The following EML6 variants were observed in gnomAD, a reference collection of about 807,000 sequenced individuals.
EML6 encodes the protein echinoderm microtubule-associated protein-like 6.
In EML6, 154 loss-of-function variants were observed where a neutral mutation model predicts 240.1. The observed-to-expected ratio is 0.64, with a 90% confidence interval of 0.56 to 0.73. The LOEUF is 0.73. Among genes scored for constraint, EML6 ranks in the 30% least tolerant of loss-of-function variants. EML6 has a pLI of 0.00. For synonymous variants in EML6, 1,148 were observed against 899.0 expected (o/e 1.28, Z -4.95); for missense variants, 2,964 against 2,474.6 (o/e 1.20, Z -4.20).
Position 54,723,936 on chromosome 2 carries a change from T to C in EML6, c.-514+159T>C, listed in dbSNP as rs1452218573. On this transcript the variant is annotated intron_variant, in intron 1 of 41. Transcript: ENST00000356458. ...CCGACCCCCGGGACGTGTGCGTCTG[T>C]GGGGGGTTGCTGTCCCCCGGGTCCC... is the stretch of plus-strand genomic sequence containing the variant. Among the ~76,000 whole-genome samples, 6 of 151,850 alleles carry C rather than the reference T, an allele frequency of 4.0e-5. No individual in the cohort carries two copies. In the East Asian group the frequency reaches 1.2e-3, roughly 30 times the overall value.
At chr2:54,799,322 A>T (rs1383967510) in intron 2 of EML6, among the ~76,000 whole-genome samples, 2 of 151,820 alleles carry the variant, frequency 1.3e-5, no homozygotes, top group Non-Finnish European at 2.9e-5. Context: ...CAGTCTCTCA[A>T]AGTGCTGGGA....
rs764262526 is a variant in EML6 at position 54,813,204 on chromosome 2, A to G, written c.198-28A>G. The G allele has an allele frequency of 2.7e-5, 40 of 1,506,794 alleles. No homozygotes were observed. In the African/African-American group the frequency reaches 4.2e-4, roughly 16 times the overall value. The allele number at this position is 1,506,794 out of a possible 1,614,324, so 93.3% of individuals were successfully genotyped here. ...GATCAGTGTTTTCTTCAGTTGGAAGATGTGAAAAGAAACCTTTTCTCTTTC... is the reference window on the plus strand; with the variant it reads ...GATCAGTGTTTTCTTCAGTTGGAAGGTGTGAAAAGAAACCTTTTCTCTTTC... On this transcript the variant is annotated intron_variant, in intron 2 of 41. Coordinates refer to ENST00000356458, the MANE Select transcript of EML6 (RefSeq NM_001039753.4).
intron 7 of EML6, among the ~76,000 whole-genome samples, chr2:54,835,787 A>G (rs1392560565): frequency 6.6e-6 from 1 of 152,116 alleles, no homozygotes; most frequent in Non-Finnish European, 1.5e-5. Context: ...GCATCTATGG[A>G]TAGAGGCCAG....
chr2:54,825,036 C>T (rs1050621511), intron 5 of EML6, among the ~76,000 whole-genome samples: 1 of 152,084 alleles, frequency 6.6e-6, no homozygotes, highest in Non-Finnish European at 1.5e-5. Flanking sequence ...TTCATGTGGG[C>T]CTTATACCAT....
intron 29 of EML6, 58 bp downstream of exon 29, chr2:54,949,018 C>A: frequency 1.6e-6 from 2 of 1,258,944 alleles, no homozygotes; most frequent in Non-Finnish European, 2.3e-6. Flanking sequence ...ACCTGGTAGA[C>A]ATCCCCATCT....
intron 2 of EML6, among the ~76,000 whole-genome samples, chr2:54,799,815 A>G (rs959713406): frequency 1.8e-4 from 27 of 152,374 alleles, no homozygotes; most frequent in African/African-American, 6.5e-4. Flanking sequence ...CCAAGTTTTC[A>G]GAAGCAGACA....
At chr2:54,872,324 T>C (rs1671297066) in intron 16 of EML6, among the ~76,000 whole-genome samples, 1 of 152,198 alleles carries the variant, frequency 6.6e-6, no homozygotes, top group Non-Finnish European at 1.5e-5. Flanking sequence ...CTAAACTTTG[T>C]ACAGAATGCT....
chr2:54,894,844 TCCTCCTG>T (rs1672676287), intron 19 of EML6, 64 bp from the exon 20 acceptor site: 1 of 1,000,434 alleles, frequency 1.0e-6, no homozygotes, highest in African/African-American at 1.6e-5. Context: ...CTGCGGGGAA[TCCTCCTG>T]GGGCCAAGTG....
At chr2:54,815,971 T>G (rs558865616) in intron 3 of EML6, among the ~76,000 whole-genome samples, 1 of 152,008 alleles carries the variant, frequency 6.6e-6, no homozygotes, top group South Asian at 2.1e-4. Flanking sequence ...GGAATGATTA[T>G]TTTTTATACC....
chr2:54,968,036 C>T, intron 39 of EML6, 92 bp from the exon 40 acceptor site: 3 of 1,286,554 alleles, frequency 2.3e-6, no homozygotes, highest in Non-Finnish European at 3.3e-6. Context: ...TTAAACATCC[C>T]TCTCTTCCTT....
chr2:54,908,303 G>C (rs1164655944), intron 24 of EML6, among the ~76,000 whole-genome samples: 5 of 150,708 alleles, frequency 3.3e-5, no homozygotes, highest in African/African-American at 9.8e-5. Context: ...TGTGCCTCCT[G>C]TGCTCAAGAG....
intron 6 of EML6, 52 bp downstream of exon 6, chr2:54,827,803 C>A: frequency 2.4e-6 from 3 of 1,256,868 alleles, no homozygotes; most frequent in South Asian, 1.3e-5. Flanking sequence ...TAAGGTAAGA[C>A]CACGAATCCC....
rs982365119 is a variant in EML6, at chr2:54,971,929, G to C, written c.*1834G>C. 1 of 152,150 alleles carries C rather than the reference G, an allele frequency of 6.6e-6. No individual in the cohort carries two copies. Among genetic ancestry groups the C allele is most frequent in the Non-Finnish European group, 1.5e-5 (1 of 68,038 alleles). 9.4% of individuals were successfully genotyped at this position (152,150 alleles called of 1,614,324 possible). ...ATAAATCCTGCACTGTATGATATAT[G>C]TGAGTTAAAACATTGGTGCATGAAT... On this transcript the variant is annotated 3_prime_UTR_variant, in exon 42 of 42. Transcript: ENST00000356458.
intron 2 of EML6, among the ~76,000 whole-genome samples, chr2:54,781,332 C>T (rs368348172): frequency 3.9e-5 from 6 of 152,066 alleles, no homozygotes; most frequent in Non-Finnish European, 5.9e-5. Context: ...GCCAATAAAT[C>T]GCATGGATTT....
In EML6 at chr2:54,932,273, C is replaced by G. The variant is rs546761232; in HGVS notation, c.4004+3522C>G. On this transcript the variant is annotated intron_variant, in intron 28 of 41. Coordinates refer to ENST00000356458, the MANE Select transcript of EML6 (RefSeq NM_001039753.4). ...GGATACCCTGCCTCCATGACCCAGA[C>G]TCATCTGGCTGGTCCCCAACCTTGG... Among the ~76,000 whole-genome samples, 54 of 152,346 alleles carry G rather than the reference C, an allele frequency of 3.5e-4. 1 individual carries two copies. Among genetic ancestry groups the G allele is most frequent in the African/African-American group, 1.3e-3 (53 of 41,568 alleles).
At position 54,847,750 on chromosome 2, in the gene EML6, GATC is replaced by G. The variant is rs1558607783; in HGVS notation, c.1187+128_1187+130del. 8.6e-5 allele frequency: 82 copies of G among 951,178 alleles called. 1 individual carries two copies. The East Asian group carries it at 1.7e-3, about 20-fold the overall frequency. The allele number at this position is 951,178 out of a possible 1,614,324, so 58.9% of individuals were successfully genotyped here. A position where few individuals can be genotyped will look rare whatever the true frequency, so the allele number is the denominator to read the frequency against. On this transcript the variant is annotated intron_variant, in intron 9 of 41. Transcript: ENST00000356458. ...TAGCCATTCAAATAGGAATACTATA[GATC>G]TACGATCCCCTATCTGTAATTCTGA...
Position 54,960,201 on chromosome 2 carries a change from C to G in EML6, c.4854-19C>G. 3 of 1,516,824 alleles carry G rather than the reference C, an allele frequency of 2.0e-6. No individual in the cohort carries two copies. The highest frequency in any genetic ancestry group is 2.7e-6 in the Non-Finnish European group (3 of 1,115,668). 94.0% of individuals were successfully genotyped at this position (1,516,824 alleles called of 1,614,324 possible). On this transcript the variant is annotated intron_variant, in intron 34 of 41. Transcript: ENST00000356458. The stretch of plus-strand genomic sequence containing the variant: ...TAGGATGAGGGTTAACAGCCTGAGT[C>G]CCTTTCAATCTTTTTTAGGACCAAA...
chr2:54,783,210 T>G (rs1668930563), intron 2 of EML6, among the ~76,000 whole-genome samples: 1 of 152,238 alleles, frequency 6.6e-6, no homozygotes, highest in Non-Finnish European at 1.5e-5. Flanking sequence ...ACCTCATGTC[T>G]TATCTCATAA....
chr2:54,778,730 A>G (rs1421779553), intron 2 of EML6, among the ~76,000 whole-genome samples: 1 of 151,814 alleles, frequency 6.6e-6, no homozygotes, highest in Non-Finnish European at 1.5e-5. Flanking sequence ...CTACTAAAAA[A>G]ATACAAAAAA....
Sources: gnomAD v4.1 joint callset for allele counts (sites outside exome capture counted in the v4.1 genomes callset) on GRCh38, gnomAD v4.1.1 for gene constraint, MANE v1.5 for transcripts, NCBI Gene and HGNC (gene_info 2026-07-23, HGNC 2026-07-21) for gene names.